NOBOX: variants seen among roughly 807,000 people sequenced by gnomAD.
The protein encoded by NOBOX is homeobox protein NOBOX.
NOBOX carries 46 observed loss-of-function variants against 60.2 expected under a neutral mutation model. The ratio of observed to expected loss-of-function variants is 0.76; its 90% CI spans 0.60 to 0.98. The LOEUF (loss-of-function observed/expected upper bound fraction) is 0.98. NOBOX is among the 50% of genes least tolerant of loss of function. NOBOX has a pLI of 0.00. For missense variants in NOBOX, 880 were observed against 865.5 expected (o/e 1.02, Z -0.21); for synonymous variants, 360 against 346.3 (o/e 1.04, Z -0.44).
At chr7:144,403,888 G>T (rs1480740411) in intron 2 of NOBOX, among the ~76,000 whole-genome samples, 195 bp from the exon 1 acceptor site, 1 of 151,902 alleles carries the variant, frequency 6.6e-6, no homozygotes, top group Non-Finnish European at 1.5e-5. Flanking sequence ...GGGCAGCTGC[G>T]AGGGCGGGGA....
Position 144,401,524 on chromosome 7 carries a change from A to C in NOBOX, c.366T>G (p.His122Gln), listed in dbSNP as rs760002410. ...GTTCCTCACTCTGAGTGTCCTGAGC[A>C]TGAGGGGCTGAGCCCCGGAGCAGTT... The change falls in exon 4 of 10, where the codon CAT becomes CAG. Residue 122 changes from histidine (H) to glutamine (Q), a missense_variant. Coordinates refer to ENST00000467773, the MANE Select transcript of NOBOX (RefSeq NM_001080413.3). This position sits in a 1 kb window ranked among gnomAD's most constrained non-coding sequence, Gnocchi z 4.2. 4 of 1,520,382 alleles carry C rather than the reference A, an allele frequency of 2.6e-6. No individual in the cohort carries two copies. The highest frequency in any genetic ancestry group is 3.5e-6 in the Non-Finnish European group (4 of 1,138,802). 94.2% of individuals were successfully genotyped at this position (1,520,382 alleles called of 1,614,324 possible).
Position 144,399,870 on chromosome 7 carries a change from G to A in NOBOX, c.1048-7C>T. ...GGCGATTCTGGAACCACACCTATGG[G>A]GGGAAAGGTGCTTGAAGAACTGGAG... On this transcript the variant is annotated splice_region_variant and splice_polypyrimidine_tract_variant and intron_variant, in intron 5 of 9. Transcript: ENST00000467773. The A allele has an allele frequency of 1.2e-6, 2 of 1,602,470 alleles. No individual in the cohort carries two copies. The highest frequency in any genetic ancestry group is 1.7e-6 in the Non-Finnish European group (2 of 1,170,712).
At chr7:144,403,722 C>G (rs1055871046) in intron 2 of NOBOX, 29 bp from the exon 1 acceptor site, 1 of 699,482 alleles carries the variant, frequency 1.4e-6, no homozygotes, top group African/African-American at 1.8e-5. Flanking sequence ...CGCGGCCGGC[C>G]CGTGATGCAC....
rs1301355276 is a variant in NOBOX, at chr7:144,398,300, G to A, written c.1756C>T (p.Pro586Ser). The A allele has an allele frequency of 6.5e-7, 1 of 1,537,232 alleles. No homozygotes were observed. The highest frequency in any genetic ancestry group is 8.7e-7 in the Non-Finnish European group (1 of 1,146,916). ...AACTCACCTATATTCCCAGCAGGTG[G>A]TTGCATCAGGATCTGTCCTGAGGAG... The change falls in exon 9 of 10, where the codon CCA becomes TCA. Residue 586 changes from proline to serine, a missense_variant. Physicochemically the swap from Pro to Ser is moderately conservative, Grantham distance 74. Coordinates refer to ENST00000467773, the MANE Select transcript of NOBOX (RefSeq NM_001080413.3).
Position 144,398,971 on chromosome 7 carries a change from G to A in NOBOX, c.1448C>T (p.Pro483Leu), listed in dbSNP as rs535798283. The stretch of plus-strand genomic sequence containing the variant: ...TTACCTTGTCCCCCAGGACCCACAG[G>A]GGCCGTCCTTGTGGCTGCTGTCACT... Residue 483 changes from proline to leucine, a missense_variant, in exon 8 of 10, where the codon CCC becomes CTC. Pro to Leu is a moderately conservative substitution (Grantham distance 98). Transcript: ENST00000467773. The A allele has an allele frequency of 1.3e-5, 20 of 1,566,414 alleles. No individual in the cohort carries two copies. In the African/African-American group the frequency reaches 1.9e-4, roughly 15 times the overall value.
chr7:144,403,722 C>A (rs1055871046), intron 2 of NOBOX, 29 bp from the exon 1 acceptor site: 6 of 699,374 alleles, frequency 8.6e-6, no homozygotes, highest in African/African-American at 3.5e-5. Context: ...CGCGGCCGGC[C>A]CGTGATGCAC....
intron 9 of NOBOX, among the ~76,000 whole-genome samples, 182 bp downstream of exon 7, chr7:144,398,100 T>C (rs1271329171): frequency 6.6e-6 from 1 of 152,120 alleles, no homozygotes; most frequent in Non-Finnish European, 1.5e-5. Context: ...CTGCTAACTC[T>C]CACTGTGCTC....
At position 144,399,385 on chromosome 7, in the gene NOBOX, G is replaced by A. The variant is rs770669424; in HGVS notation, c.1240+12C>T. On this transcript the variant is annotated intron_variant, in intron 7 of 9. Transcript: ENST00000467773. ...TTGCCATTTTCCCCCAGCTCTGAAG[G>A]TGGGAACTCACCTGGAAAGGTATCC... The A allele has an allele frequency of 6.4e-7, 1 of 1,555,248 alleles. No individual in the cohort carries two copies. Among genetic ancestry groups the A allele is most frequent in the Non-Finnish European group, 8.7e-7 (1 of 1,142,866 alleles).
At chr7:144,407,986 A>T (rs1277055442) in intron 1 of NOBOX, among the ~76,000 whole-genome samples, 1 of 152,062 alleles carries the variant, frequency 6.6e-6, no homozygotes, top group Non-Finnish European at 1.5e-5. Flanking sequence ...TCTGGGATGC[A>T]CTTTCTTCTT....
intron 7 of NOBOX, 74 bp from the exon 6 acceptor site, chr7:144,399,252 A>C (rs924491422): frequency 1.1e-6 from 1 of 946,544 alleles, no homozygotes; most frequent in African/African-American, 1.6e-5. Context: ...TGAATGGTAG[A>C]CACAAGCCAT....
chr7:144,405,688 G>C (rs769142927), intron 1 of NOBOX, among the ~76,000 whole-genome samples: 6 of 152,130 alleles, frequency 3.9e-5, no homozygotes, highest in Non-Finnish European at 5.9e-5. Flanking sequence ...TATTTCAGTG[G>C]TGGTGTGTGT....
chr7:144,401,272 C>G lies in NOBOX; in HGVS notation c.618G>C (p.Gln206His). 1 of 1,613,536 alleles carries G rather than the reference C, an allele frequency of 6.2e-7. No homozygotes were observed. Among genetic ancestry groups the G allele is most frequent in the Non-Finnish European group, 8.5e-7 (1 of 1,179,720 alleles). Residue 206 changes from glutamine (Q) to histidine (H), a missense_variant, in exon 4 of 10, where the codon CAG (glutamine) becomes CAC (histidine). Transcript: ENST00000467773. This position sits in a 1 kb window ranked among gnomAD's most constrained non-coding sequence, Gnocchi z 4.2. ...CCAGACCCATGGCATTAGGCTTTTT[C>G]TGCTTCCCGGGGGCTGGAGAATAGG... is the stretch of plus-strand genomic sequence containing the variant.
chr7:144,410,065 G>T, intron 1 of NOBOX: 1 of 920,842 alleles, frequency 1.1e-6, no homozygotes, highest in Non-Finnish European at 1.7e-6. Flanking sequence ...AGTCCTCAGT[G>T]TATGGGAAGA....
downstream of NOBOX, among the ~76,000 whole-genome samples, chr7:144,397,018 C>T (rs113617436): frequency 6.6e-6 from 1 of 152,188 alleles, no homozygotes; most frequent in Non-Finnish European, 1.5e-5. Context: ...CACAGGCCAC[C>T]TGCTTCCTTC....
intron 2 of NOBOX, among the ~76,000 whole-genome samples, chr7:144,403,196 T>C (rs1325604188): frequency 2.0e-5 from 3 of 152,038 alleles, no homozygotes; most frequent in East Asian, 3.9e-4. Context: ...CAGGCCTCTA[T>C]GGAGTGAAGG....
At position 144,410,167 on chromosome 7, in the gene NOBOX, T is replaced by C. The variant is rs1696164833; in HGVS notation, c.61A>G (p.Lys21Glu). ...CCCTCCTGGGCTTTGAAGCCATCCT[T>C]GTCTCTGGTGTCCCAGGTACCCTCC... is the stretch of plus-strand genomic sequence containing the variant. The change falls in exon 1 of 10, where the codon AAG becomes GAG. Residue 21 changes from lysine (K) to glutamate (E), a missense_variant. Coordinates refer to ENST00000467773, the MANE Select transcript of NOBOX (RefSeq NM_001080413.3). 1 of 1,569,554 alleles carries C rather than the reference T, an allele frequency of 6.4e-7. No homozygotes were observed.
In NOBOX at chr7:144,404,539, GCGCTCGCCCC is replaced by G; in HGVS notation, c.210+7_210+16del. 1.2e-6 allele frequency: 2 copies of G among 1,610,402 alleles called. No homozygotes were observed. Among genetic ancestry groups the G allele is most frequent in the Non-Finnish European group, 1.7e-6 (2 of 1,177,680 alleles). ...GCTGGAATTACAGGCGTGAGCCACAGCGCTCGCCCCCCGTACTGATTTGAGGGTCTCCAGA... is the reference window on the plus strand; with the variant it reads ...GCTGGAATTACAGGCGTGAGCCACAGCCGTACTGATTTGAGGGTCTCCAGA... On this transcript the variant is annotated splice_region_variant and intron_variant, in intron 2 of 9. Coordinates refer to ENST00000467773, the MANE Select transcript of NOBOX (RefSeq NM_001080413.3).
intron 2 of NOBOX, chr7:144,402,045 T>C: frequency 1.1e-6 from 1 of 889,810 alleles, no homozygotes; most frequent in Non-Finnish European, 1.8e-6. Context: ...ACAGGCATTA[T>C]TGCTTGGAGA....
chr7:144,399,342 T>C, intron 7 of NOBOX, 55 bp downstream of exon 5: 2 of 1,306,944 alleles, frequency 1.5e-6, no homozygotes, highest in Non-Finnish European at 2.2e-6. Context: ...AAACAAGGCC[T>C]GTCTTCACTA....
Sources: gnomAD v4.1 joint callset for allele counts (sites outside exome capture counted in the v4.1 genomes callset) on GRCh38, gnomAD v4.1.1 for gene constraint, Gnocchi (gnomAD v3.1) non-coding constraint, MANE v1.5 for transcripts, NCBI Gene and HGNC (gene_info 2026-07-23, HGNC 2026-07-21) for gene names.